Variants in EFCAB5 observed in about 807,000 individuals in gnomAD.
The protein encoded by EFCAB5 is EF-hand calcium-binding domain-containing protein 5.
In EFCAB5, 131 loss-of-function variants were observed where a neutral mutation model predicts 167.9. The observed-to-expected ratio is 0.78, with a 90% CI of 0.68 to 0.90. The LOEUF (loss-of-function observed/expected upper bound fraction) is 0.90. Among genes scored for constraint, EFCAB5 ranks in the 40% least tolerant of loss-of-function variants. The pLI, the probability that EFCAB5 is intolerant of heterozygous loss-of-function variation, is 0.00. For synonymous variants in EFCAB5, 574 were observed against 602.8 expected (o/e 0.95, Z 0.70); for missense variants, 1,663 against 1,745.2 (o/e 0.95, Z 0.84).
chr17:30,017,233 A>AG (rs2069067360), intron 7 of EFCAB5, among the ~76,000 whole-genome samples: 1 of 152,090 alleles, frequency 6.6e-6, no homozygotes, highest in Admixed American at 6.6e-5. Context: ...CACACAAAAA[A>AG]TAGAATAACA....
chr17:30,068,787 C>T, intron 14 of EFCAB5: 1 of 1,349,780 alleles, frequency 7.4e-7, no homozygotes, highest in Non-Finnish European at 1.1e-6. Context: ...CCAGCCGGGC[C>T]CGCGAAATGA....
chr17:30,104,840 AAC>A (rs2071427653), intron 22 of EFCAB5, among the ~76,000 whole-genome samples: 1 of 152,144 alleles, frequency 6.6e-6, no homozygotes, highest in Non-Finnish European at 1.5e-5. Context: ...CGGTAACAAT[AAC>A]ACAGGAAATA....
At chr17:29,956,545 A>G (rs540669472) in intron 3 of EFCAB5, among the ~76,000 whole-genome samples, 3 of 152,246 alleles carry the variant, frequency 2.0e-5, no homozygotes, top group Non-Finnish European at 4.4e-5. Flanking sequence ...TACTTGTTAC[A>G]ACAGTAGGTT....
chr17:30,013,423 A>G (rs894005997), intron 7 of EFCAB5, among the ~76,000 whole-genome samples: 1 of 151,768 alleles, frequency 6.6e-6, no homozygotes, highest in Non-Finnish European at 1.5e-5. Flanking sequence ...CTGTGAATCC[A>G]TCTGGTCCTG....
Position 30,090,605 on chromosome 17 carries a change from G to A in EFCAB5, c.3868G>A (p.Val1290Met). ...TAAAGATCTACAGAAAATGATGAAA[G>A]TGGTCCAAGTGGCCTGCTATGAAAT... is the stretch of plus-strand genomic sequence containing the variant. ...EYKDLQKMMK[V>M]VQVACYEILG... Residue 1290 changes from valine to methionine, a missense_variant, in exon 20 of 23, where the codon GTG (valine) becomes ATG (methionine). Physicochemically the swap from Val to Met is conservative, Grantham distance 21. Transcript: ENST00000394835. 6.2e-7 allele frequency: 1 copy of A among 1,613,972 alleles called. No homozygotes were observed. The highest frequency in any genetic ancestry group is 8.5e-7 in the Non-Finnish European group (1 of 1,179,884).
intron 7 of EFCAB5, among the ~76,000 whole-genome samples, chr17:30,031,487 C>T (rs574611207): frequency 6.6e-6 from 1 of 152,296 alleles, no homozygotes; most frequent in South Asian, 2.1e-4. Flanking sequence ...TTGTTACCTA[C>T]CTCAAGAGTA....
chr17:30,096,437 G>A (rs1567776681), intron 22 of EFCAB5, among the ~76,000 whole-genome samples: 1 of 151,812 alleles, frequency 6.6e-6, no homozygotes, highest in Non-Finnish European at 1.5e-5. Flanking sequence ...CAGCTACTTG[G>A]GAAGCTGAGG....
intron 19 of EFCAB5, 161 bp from the exon 20 acceptor site, chr17:30,090,260 G>T (rs768428386): frequency 7.6e-5 from 69 of 912,932 alleles, no homozygotes; most frequent in Non-Finnish European, 1.1e-4. Flanking sequence ...AGACAGCCAT[G>T]TGAAATCAAG....
intron 14 of EFCAB5, chr17:30,069,255 A>T (rs1344418116): frequency 1.3e-6 from 2 of 1,521,636 alleles, no homozygotes; most frequent in Non-Finnish European, 1.8e-6. Flanking sequence ...ATTTTGACTG[A>T]AAGACAACCT....
At chr17:30,073,739 A>G in intron 14 of EFCAB5, 1 of 705,262 alleles carries the variant, frequency 1.4e-6, no homozygotes, top group East Asian at 2.7e-5. Context: ...TTTGACAAAT[A>G]CATGCCCTAT....
rs376158236 is a variant in EFCAB5, at chr17:29,932,632, T to G, written c.-127+3303T>G. Among the ~76,000 whole-genome samples, 6 of 151,644 alleles carry G rather than the reference T, an allele frequency of 4.0e-5. No homozygotes were observed. In the East Asian group the frequency reaches 9.7e-4, roughly 24 times the overall value. Reference sequence around the variant, plus strand: ...CACCACGCCCGGCTAATTTTATGTCTTTTTAGTAGATATGGGGGTTTCACC... The same window carrying G: ...CACCACGCCCGGCTAATTTTATGTCGTTTTAGTAGATATGGGGGTTTCACC... On this transcript the variant is annotated intron_variant, in intron 1 of 3. Transcript: ENST00000448319.
At chr17:30,083,065 T>TA (rs2071021609) in intron 18 of EFCAB5, 22 bp downstream of exon 18, 1 of 1,610,428 alleles carries the variant, frequency 6.2e-7, no homozygotes, top group African/African-American at 1.3e-5. Flanking sequence ...TCAGTAGTGG[T>TA]AGATCTCTCC....
intron 20 of EFCAB5, 64 bp from the exon 21 acceptor site, chr17:30,091,807 A>C (rs1278205218): frequency 6.5e-7 from 1 of 1,526,886 alleles, no homozygotes; most frequent in African/African-American, 1.4e-5. Flanking sequence ...TCCTATGAAA[A>C]AGTAATGTAC....
At chr17:30,081,026 T>G (rs374774877) in intron 17 of EFCAB5, 45 bp downstream of exon 17, 3 of 1,459,454 alleles carry the variant, frequency 2.1e-6, no homozygotes, top group Non-Finnish European at 2.8e-6. Context: ...ATGGCCTCTC[T>G]TTCTAATACT....
upstream of EFCAB5, among the ~76,000 whole-genome samples, chr17:29,940,465 T>C (rs564816575): frequency 3.9e-5 from 6 of 152,308 alleles, no homozygotes; most frequent in East Asian, 7.7e-4. Context: ...TAAAGTCTTA[T>C]TGAGTTGAAT....
intron 14 of EFCAB5, chr17:30,069,531 TAA>T (rs2070673422): frequency 6.2e-7 from 1 of 1,611,612 alleles, no homozygotes; most frequent in Admixed American, 1.7e-5. Flanking sequence ...AACGAAGACA[TAA>T]GAGAGGCCAT....
chr17:29,985,520 G>C (rs1048847657), intron 4 of EFCAB5, among the ~76,000 whole-genome samples: 1 of 152,136 alleles, frequency 6.6e-6, no homozygotes, highest in Non-Finnish European at 1.5e-5. Context: ...CCGAGAGCCT[G>C]GAACAGAGTT....
intron 3 of EFCAB5, among the ~76,000 whole-genome samples, chr17:29,952,945 T>A (rs1402748779): frequency 1.3e-5 from 2 of 152,194 alleles, no homozygotes; most frequent in African/African-American, 2.4e-5. Flanking sequence ...GCTATTATTA[T>A]ATGATATTAT....
chr17:30,088,555 A>T (rs1299220198), intron 19 of EFCAB5, among the ~76,000 whole-genome samples: 1 of 152,218 alleles, frequency 6.6e-6, no homozygotes, highest in African/African-American at 2.4e-5. Context: ...AGACATGCAG[A>T]GTTGGAGAGA....
Sources: allele counts gnomAD v4.1 joint callset (sites outside exome capture counted in the v4.1 genomes callset), GRCh38; gene constraint gnomAD v4.1.1; transcripts MANE v1.5; gene names NCBI Gene and HGNC (gene_info 2026-07-23, HGNC 2026-07-21).